The following TBC1D19 variants were observed in gnomAD, a reference collection of about 807,000 sequenced individuals.
TBC1D19 encodes the protein TBC1 domain family member 19, also known as TBC1 domain family, member 19.
A neutral mutation model predicts 89.0 loss-of-function variants in TBC1D19; 60 were observed. That is an observed-to-expected ratio of 0.67 (90% CI 0.55 to 0.84). TBC1D19 has a LOEUF of 0.84. Among genes scored for constraint, TBC1D19 ranks in the 40% least tolerant of loss-of-function variants. The pLI, the probability that TBC1D19 is intolerant of heterozygous loss-of-function variation, is 0.00. For missense variants in TBC1D19, 500 were observed against 610.8 expected (o/e 0.82, Z 1.91); for synonymous variants, 189 against 199.7 (o/e 0.95, Z 0.45).
the TBC1D19 span, among the ~76,000 whole-genome samples, chr4:26,778,835 T>A: frequency 6.6e-6 from 1 of 152,168 alleles, no homozygotes; most frequent in Non-Finnish European, 1.5e-5. Context: ...GAAACACTGG[T>A]CTAGAGAAAA....
At chr4:26,800,616 C>T in the TBC1D19 span, among the ~76,000 whole-genome samples, 1 of 152,136 alleles carries the variant, frequency 6.6e-6, no homozygotes, top group Admixed American at 6.6e-5. Flanking sequence ...GTTTACAGTC[C>T]CACCAACAGT....
At chr4:26,726,656 A>G (rs1026313803) in intron 15 of TBC1D19, among the ~76,000 whole-genome samples, 43 of 152,228 alleles carry the variant, frequency 2.8e-4, no homozygotes, top group African/African-American at 9.4e-4. Context: ...TAGGCTACAT[A>G]TGGAATGAGA....
intron 16 of TBC1D19, 96 bp downstream of exon 16, chr4:26,735,583 T>C (rs1468058920): frequency 3.4e-6 from 4 of 1,171,500 alleles, no homozygotes; most frequent in Non-Finnish European, 4.7e-6. Context: ...ATTGTTTTAC[T>C]ATAGTAAAAC....
chr4:26,630,550 T>C (rs79358182), intron 4 of TBC1D19, among the ~76,000 whole-genome samples: 3,809 of 151,992 alleles, frequency 0.025, 135 homozygotes, highest in African/African-American at 0.085. Context: ...TCCACCTCCA[T>C]GAATAGGACC....
intron 13 of TBC1D19, among the ~76,000 whole-genome samples, chr4:26,697,151 C>T (rs1412746515): frequency 6.6e-6 from 1 of 152,014 alleles, no homozygotes; most frequent in African/African-American, 2.4e-5. Context: ...ATCAAATAGA[C>T]ACAATAAAAA....
At chr4:26,651,436 C>T (rs564878673) in intron 7 of TBC1D19, among the ~76,000 whole-genome samples, 1 of 152,116 alleles carries the variant, frequency 6.6e-6, no homozygotes. Flanking sequence ...CTTCACATCC[C>T]TTGTAAGTTG....
chr4:26,771,202 A>G, the TBC1D19 span, among the ~76,000 whole-genome samples: 4 of 152,126 alleles, frequency 2.6e-5, no homozygotes, highest in African/African-American at 9.7e-5. Flanking sequence ...TACTGTTCAC[A>G]ACGATGTTGA....
the TBC1D19 span, among the ~76,000 whole-genome samples, chr4:26,819,493 C>T: frequency 6.6e-6 from 1 of 152,208 alleles, no homozygotes; most frequent in Non-Finnish European, 1.5e-5. Context: ...CATTTCTCAT[C>T]ATCTCTACCA....
At chr4:26,713,682 G>T (rs1009663534) in intron 13 of TBC1D19, among the ~76,000 whole-genome samples, 3 of 151,976 alleles carry the variant, frequency 2.0e-5, no homozygotes, top group African/African-American at 7.2e-5. Context: ...TTAAATATGA[G>T]TAATAATGAT....
the TBC1D19 span, among the ~76,000 whole-genome samples, chr4:26,761,539 T>C: frequency 6.6e-6 from 1 of 152,230 alleles, no homozygotes; most frequent in African/African-American, 2.4e-5. Context: ...ATTGATATTT[T>C]ATATTGACCT....
intron 13 of TBC1D19, among the ~76,000 whole-genome samples, chr4:26,689,625 T>G (rs1714106174): frequency 6.6e-6 from 1 of 152,208 alleles, no homozygotes; most frequent in Non-Finnish European, 1.5e-5. Flanking sequence ...AACTTTATTA[T>G]TATATCTGAT....
chr4:26,665,528 A>G (rs978232040), intron 8 of TBC1D19, among the ~76,000 whole-genome samples: 1 of 152,050 alleles, frequency 6.6e-6, no homozygotes, highest in Non-Finnish European at 1.5e-5. Flanking sequence ...TTTCTTAGAC[A>G]TTACTAGATA....
intron 4 of TBC1D19, among the ~76,000 whole-genome samples, chr4:26,624,443 C>T (rs538987800): frequency 1.9e-4 from 29 of 152,068 alleles, no homozygotes; most frequent in Non-Finnish European, 3.7e-4. Context: ...GTGGTATGAT[C>T]TCAGCTCACT....
intron 1 of TBC1D19, among the ~76,000 whole-genome samples, chr4:26,588,740 G>A (rs1180942421): frequency 1.3e-5 from 2 of 151,932 alleles, no homozygotes; most frequent in Non-Finnish European, 2.9e-5. Flanking sequence ...ATTCTCTTAT[G>A]GTCAAGAATA....
At chr4:26,702,718 C>G (rs887644740) in intron 13 of TBC1D19, among the ~76,000 whole-genome samples, 2 of 152,154 alleles carry the variant, frequency 1.3e-5, no homozygotes, top group African/African-American at 4.8e-5. Context: ...AGTAAGAACA[C>G]TTATCACAAG....
At chr4:26,717,833 G>C in intron 13 of TBC1D19, 100 bp from the exon 14 acceptor site, 1 of 903,734 alleles carries the variant, frequency 1.1e-6, no homozygotes. Context: ...CGCAAGGCAC[G>C]GTACTTGAAC....
intron 11 of TBC1D19, among the ~76,000 whole-genome samples, chr4:26,677,119 A>G (rs373857677): frequency 2.6e-4 from 39 of 152,316 alleles, no homozygotes; most frequent in African/African-American, 9.4e-4. Context: ...AACCGTAGCC[A>G]GAAACCTGGT....
At chr4:26,693,057 T>G (rs1258792891) in intron 13 of TBC1D19, among the ~76,000 whole-genome samples, 2 of 148,708 alleles carry the variant, frequency 1.3e-5, no homozygotes, top group African/African-American at 5.0e-5. Context: ...ACCCAGGAGG[T>G]AGAGGTTGCA....
At chr4:26,748,341 C>T in intron 18 of TBC1D19, 70 bp from the exon 19 acceptor site, 1 of 1,073,698 alleles carries the variant, frequency 9.3e-7, no homozygotes, top group East Asian at 2.4e-5. Flanking sequence ...TGGTTGGGTT[C>T]TTCTGATATT....
Sources: allele counts gnomAD v4.1 joint callset (sites outside exome capture counted in the v4.1 genomes callset), GRCh38; gene constraint gnomAD v4.1.1; transcripts MANE v1.5; gene names NCBI Gene and HGNC (gene_info 2026-07-23, HGNC 2026-07-21).